KCNAB2: variants seen among roughly 807,000 people sequenced by gnomAD.
KCNAB2 encodes the protein voltage-gated potassium channel subunit beta-2.
KCNAB2 carries 29 observed loss-of-function variants against 63.6 expected under a neutral mutation model. The ratio of observed to expected loss-of-function variants is 0.46; its 90% CI spans 0.34 to 0.62. The LOEUF (loss-of-function observed/expected upper bound fraction) is 0.62. Ranked by LOEUF, KCNAB2 falls within the 20% of genes least tolerant of loss-of-function variation. KCNAB2 has a pLI of 0.01. For missense variants in KCNAB2, 359 were observed against 563.9 expected (o/e 0.64, Z 3.68); for synonymous variants, 222 against 224.2 (o/e 0.99, Z 0.09).
intron 1 of KCNAB2, among the ~76,000 whole-genome samples, chr1:5,997,039 C>A (rs1656979147): frequency 6.6e-6 from 1 of 152,184 alleles, no homozygotes; most frequent in Non-Finnish European, 1.5e-5. Context: ...TCATTCGTGT[C>A]TCCCTCTATC....
upstream of KCNAB2, among the ~76,000 whole-genome samples, chr1:6,043,446 C>CATTT (rs1489770800): frequency 6.6e-6 from 1 of 152,216 alleles, no homozygotes; most frequent in Non-Finnish European, 1.5e-5. Flanking sequence ...TAAGAACCTT[C>CATTT]ATTTCCAGGT....
chr1:6,026,637 A>G (rs1248560655), intron 1 of KCNAB2, among the ~76,000 whole-genome samples: 1 of 152,110 alleles, frequency 6.6e-6, no homozygotes, highest in African/African-American at 2.4e-5. Flanking sequence ...CCCCAAAGAC[A>G]CCCTGCCCAA....
chr1:6,085,131 C>T, intron 5 of KCNAB2, 73 bp from the exon 6 acceptor site: 3 of 1,495,990 alleles, frequency 2.0e-6, no homozygotes, highest in South Asian at 1.1e-5. Flanking sequence ...AACCAAGTGG[C>T]CAGTGGCCAC....
At chr1:6,005,422 T>TGGGG (rs1557922510) in intron 1 of KCNAB2, among the ~76,000 whole-genome samples, 1 of 42,962 alleles carries the variant, frequency 2.3e-5, no homozygotes, top group African/African-American at 1.4e-4. Context: ...GGGGGTGGAG[T>TGGGG]TGTGGGTTGT....
At chr1:6,072,098 C>T (rs1663254911) in intron 2 of KCNAB2, among the ~76,000 whole-genome samples, 1 of 152,226 alleles carries the variant, frequency 6.6e-6, no homozygotes, top group Non-Finnish European at 1.5e-5. Flanking sequence ...TGGGATGCAC[C>T]ACAGTGGGCA....
rs538779381 is a variant in KCNAB2 at position 6,099,312 on chromosome 1, C to G, written c.*738C>G. 2 of 153,820 alleles carry G rather than the reference C, an allele frequency of 1.3e-5. No individual in the cohort carries two copies. Among genetic ancestry groups the G allele is most frequent in the African/African-American group, 4.8e-5 (2 of 41,494 alleles). 9.5% of individuals were successfully genotyped at this position (153,820 alleles called of 1,614,324 possible). A position where few individuals can be genotyped will look rare whatever the true frequency, so the allele number is the denominator to read the frequency against. On this transcript the variant is annotated 3_prime_UTR_variant, in exon 16 of 16. Transcript: ENST00000378083. ...TCTGCAGTTTGGGAGCCACAAAAAG[C>G]GTAGCGGTGTGATTTCTAGCTCAGC...
chr1:6,098,064 A>G lies in KCNAB2; in HGVS notation c.1159-421A>G, dbSNP rs552126574. 250 of 714,220 alleles carry G rather than the reference A, an allele frequency of 3.5e-4. 1 individual carries two copies. In the African/African-American group the frequency reaches 4.6e-3, roughly 13 times the overall value. 44.2% of individuals were successfully genotyped at this position (714,220 alleles called of 1,614,324 possible). On this transcript the variant is annotated intron_variant, in intron 15 of 15. Transcript: ENST00000378083. ...GTGGGGCCCCCGGGACTGGCTGACA[A>G]ACTGGATGTGGGGGTGAGAAGGCGA...
At chr1:6,054,309 C>T (rs1211287901) in intron 2 of KCNAB2, among the ~76,000 whole-genome samples, 1 of 151,860 alleles carries the variant, frequency 6.6e-6, no homozygotes, top group Non-Finnish European at 1.5e-5. Flanking sequence ...TTGGACAAAA[C>T]GCACATACAA....
chr1:6,067,171 A>G (rs895507828), intron 2 of KCNAB2, among the ~76,000 whole-genome samples: 1 of 152,172 alleles, frequency 6.6e-6, no homozygotes, highest in Non-Finnish European at 1.5e-5. Context: ...TGCGTCCAGA[A>G]CCATCCTCCA....
Position 6,071,759 on chromosome 1 carries a change from G to A in KCNAB2, c.219-996G>A, listed in dbSNP as rs576814015. Among the ~76,000 whole-genome samples, 69 of 151,018 alleles carry A rather than the reference G, an allele frequency of 4.6e-4. No individual in the cohort carries two copies. The highest frequency in any genetic ancestry group is 1.6e-3 in the African/African-American group (64 of 41,134). The stretch of plus-strand genomic sequence containing the variant: ...CGGCGAGGGCTCCCTCCTGCCGCGT[G>A]GGCTCCTCCTGCCGCGTGGGCTCCT... On this transcript the variant is annotated intron_variant, in intron 2 of 15. Coordinates refer to ENST00000378083, the MANE Select transcript of KCNAB2 (RefSeq NM_001199862.2). This position sits in a 1 kb window ranked among gnomAD's most constrained non-coding sequence, Gnocchi z 8.5.
intron 4 of KCNAB2, among the ~76,000 whole-genome samples, chr1:6,080,493 G>A (rs1423626488): frequency 6.6e-6 from 1 of 152,134 alleles, no homozygotes; most frequent in Non-Finnish European, 1.5e-5. Context: ...ACAGAGCCCC[G>A]GCAGGTGGAT....
At chr1:6,061,048 C>CT (rs1407846705) in intron 2 of KCNAB2, among the ~76,000 whole-genome samples, 2 of 152,208 alleles carry the variant, frequency 1.3e-5, no homozygotes, top group Non-Finnish European at 2.9e-5. Flanking sequence ...CCGGCCCCAG[C>CT]TTTCCAGCCT....
chr1:6,017,719 A>G (rs1658591128), intron 1 of KCNAB2, among the ~76,000 whole-genome samples: 1 of 151,436 alleles, frequency 6.6e-6, no homozygotes, highest in Non-Finnish European at 1.5e-5. Context: ...TGAACCTGGG[A>G]GGCGGAGGTT....
intron 2 of KCNAB2, among the ~76,000 whole-genome samples, chr1:6,061,977 A>G (rs1570992562): frequency 6.6e-6 from 1 of 152,266 alleles, no homozygotes; most frequent in South Asian, 2.1e-4. Flanking sequence ...TGTGTGTTTT[A>G]TACAGACTTT....
At chr1:6,097,558 T>C (rs1226821514) in intron 15 of KCNAB2, 19 of 931,540 alleles carry the variant, frequency 2.0e-5, no homozygotes, top group Admixed American at 1.3e-4. Context: ...ACAAGGAGGT[T>C]AGAATGTGTG....
At chr1:6,058,468 G>T (rs1468393912) in intron 2 of KCNAB2, among the ~76,000 whole-genome samples, 2 of 152,206 alleles carry the variant, frequency 1.3e-5, no homozygotes, top group Non-Finnish European at 2.9e-5. Context: ...TCCTTACCCG[G>T]AAAGTGGAGA....
rs144439382 is a variant in KCNAB2 at position 6,087,608 on chromosome 1, G to A, written c.470+97G>A. 2.2e-4 allele frequency: 279 copies of A among 1,297,486 alleles called. No homozygotes were observed. Among genetic ancestry groups the A allele is most frequent in the South Asian group, 8.6e-4 (72 of 84,024 alleles). 80.4% of individuals were successfully genotyped at this position (1,297,486 alleles called of 1,614,324 possible). On this transcript the variant is annotated intron_variant, in intron 7 of 15. Coordinates refer to ENST00000378083, the MANE Select transcript of KCNAB2 (RefSeq NM_001199862.2). The surrounding 1 kb of genome is among the most constrained non-coding windows in gnomAD (Gnocchi z 6.4). ...TGACCTAGAAGGCTCCTGGGGTGGC[G>A]GGAGGACAGTCCTCCTTGAGAAGGG... is the stretch of plus-strand genomic sequence containing the variant.
chr1:6,069,670 G>C lies in KCNAB2; in HGVS notation c.219-3085G>C, dbSNP rs908747968. 2.0e-5 allele frequency among the ~76,000 whole-genome samples: 3 copies of C among 152,126 alleles called. No homozygotes were observed. Among genetic ancestry groups the C allele is most frequent in the African/African-American group, 4.8e-5 (2 of 41,414 alleles). On this transcript the variant is annotated intron_variant, in intron 2 of 15. Coordinates refer to ENST00000378083, the MANE Select transcript of KCNAB2 (RefSeq NM_001199862.2). This position sits in a 1 kb window ranked among gnomAD's most constrained non-coding sequence, Gnocchi z 5.4. ...GCAGGGAGCAGCCCCATCCAGACCC[G>C]GCTGAGACGTGTGCTCCCCACCCCA... is the stretch of plus-strand genomic sequence containing the variant.
chr1:6,041,599 G>A (rs1660503149), upstream of KCNAB2: 3 of 559,206 alleles, frequency 5.4e-6, no homozygotes, highest in South Asian at 2.1e-5. Flanking sequence ...TGGTGTCCAG[G>A]AAACTGGCTC....
Sources: gnomAD v4.1 joint callset for allele counts (sites outside exome capture counted in the v4.1 genomes callset) on GRCh38, gnomAD v4.1.1 for gene constraint, Gnocchi (gnomAD v3.1) non-coding constraint, MANE v1.5 for transcripts, NCBI Gene and HGNC (gene_info 2026-07-23, HGNC 2026-07-21) for gene names.